BPIFB1: variants seen among roughly 807,000 people sequenced by gnomAD.
BPIFB1 encodes the protein BPI fold containing family B member 1, also known as BPI fold-containing family B member 1.
In BPIFB1, 34 loss-of-function variants were observed where a neutral mutation model predicts 55.1. The observed-to-expected ratio is 0.62, with a 90% CI of 0.47 to 0.82. BPIFB1 has a LOEUF of 0.82. Ranked by LOEUF, BPIFB1 falls within the 40% of genes least tolerant of loss-of-function variation. BPIFB1 has a pLI of 0.00. For missense variants in BPIFB1, 532 were observed against 593.1 expected (o/e 0.90, Z 1.07); for synonymous variants, 236 against 245.3 (o/e 0.96, Z 0.35).
chr20:33,302,371 G>T lies in BPIFB1; in HGVS notation c.940G>T (p.Ala314Ser), dbSNP rs1980881352. Residue 314 changes from alanine to serine, a missense_variant, in exon 10 of 16, where the codon GCC becomes TCC. Transcript: ENST00000253354. ...VLLDSVLPES[A>S]HRLKSSIGLI... ...CTCTCACCCTCAGCTTCCTGAGAGT[G>T]CCCATCGGCTGAAGTCAAGCATCGG... The T allele has an allele frequency of 1.9e-6, 3 of 1,613,964 alleles. No homozygotes were observed. The highest frequency in any genetic ancestry group is 1.6e-4 in the Middle Eastern group (1 of 6,062).
At chr20:33,298,794 C>CTTT (rs11421243) in intron 7 of BPIFB1, 5 of 146,486 alleles carry the variant, frequency 3.4e-5, no homozygotes, top group East Asian at 2.0e-4. Flanking sequence ...TTCCTTTTTT[C>CTTT]TTTTTTTTTT....
chr20:33,296,486 G>A (rs956697929), intron 6 of BPIFB1, among the ~76,000 whole-genome samples: 18 of 152,214 alleles, frequency 1.2e-4, no homozygotes, highest in African/African-American at 4.3e-4. Flanking sequence ...TCAAATGTTT[G>A]ACCTTCTCCC....
At chr20:33,284,766 G>A (rs1372885487) in intron 1 of BPIFB1, among the ~76,000 whole-genome samples, 1 of 152,140 alleles carries the variant, frequency 6.6e-6, no homozygotes, top group Non-Finnish European at 1.5e-5. Flanking sequence ...GCTCAGGACT[G>A]GACTACAGAT....
At chr20:33,305,012 T>C in intron 13 of BPIFB1, 121 bp downstream of exon 13, 2 of 1,133,946 alleles carry the variant, frequency 1.8e-6, no homozygotes, top group Admixed American at 3.8e-5. Flanking sequence ...CATGGGGGGC[T>C]GGCCGGTCTC....
chr20:33,306,763 G>A (rs759014128), intron 14 of BPIFB1, 148 bp from the exon 15 acceptor site: 230 of 695,380 alleles, frequency 3.3e-4, no homozygotes, highest in Admixed American at 6.4e-4. Flanking sequence ...GGTCAATGCT[G>A]GGGCCAGAGA....
chr20:33,303,190 CAG>C, intron 11 of BPIFB1, 116 bp downstream of exon 11: 8 of 1,330,648 alleles, frequency 6.0e-6, no homozygotes, highest in Non-Finnish European at 2.1e-6. Flanking sequence ...TTAGCAGGGA[CAG>C]GGGACAGGGA....
chr20:33,295,678 A>G (rs904399892), intron 6 of BPIFB1, among the ~76,000 whole-genome samples: 10 of 150,720 alleles, frequency 6.6e-5, no homozygotes, highest in East Asian at 3.9e-4. Context: ...GAAAGAAAGA[A>G]AGAGAGAAAA....
At chr20:33,306,146 C>T in intron 14 of BPIFB1, 81 bp downstream of exon 14, 2 of 1,461,014 alleles carry the variant, frequency 1.4e-6, no homozygotes, top group South Asian at 1.1e-5. Flanking sequence ...ATGAATGGGG[C>T]CCCTTTCATT....
At chr20:33,299,088 C>G (rs997872197) in intron 7 of BPIFB1, 4 of 454,882 alleles carry the variant, frequency 8.8e-6, no homozygotes, top group African/African-American at 2.0e-5. Flanking sequence ...GCTGCCCTGG[C>G]GGGCACTATA....
chr20:33,300,710 C>T (rs1390383337), intron 8 of BPIFB1, among the ~76,000 whole-genome samples: 4 of 152,202 alleles, frequency 2.6e-5, no homozygotes, highest in Admixed American at 2.6e-4. Flanking sequence ...CCTCAACCTC[C>T]TGAGTAGCTG....
chr20:33,302,728 C>A, intron 10 of BPIFB1, 188 bp from the exon 11 acceptor site: 1 of 689,458 alleles, frequency 1.5e-6, no homozygotes, highest in Non-Finnish European at 2.4e-6. Context: ...ACAGAGGGAA[C>A]AGGAGACCAA....
intron 8 of BPIFB1, among the ~76,000 whole-genome samples, chr20:33,300,886 C>A (rs1980824606): frequency 1.3e-5 from 2 of 152,184 alleles, no homozygotes; most frequent in Non-Finnish European, 1.5e-5. Flanking sequence ...ACACGCCTGG[C>A]CCCTGGACTA....
chr20:33,303,699 G>A (rs1980926042), intron 11 of BPIFB1, among the ~76,000 whole-genome samples: 1 of 152,308 alleles, frequency 6.6e-6, no homozygotes, highest in South Asian at 2.1e-4. Context: ...TCTATGAATA[G>A]TGGCTGCTTT....
intron 7 of BPIFB1, chr20:33,299,238 G>A (rs1356736393): frequency 4.4e-6 from 2 of 450,782 alleles, no homozygotes; most frequent in East Asian, 7.0e-5. Flanking sequence ...GTAGGCGGCC[G>A]GTCCCTGGCC....
chr20:33,307,163 G>T, intron 15 of BPIFB1, 176 bp downstream of exon 15: 1 of 611,536 alleles, frequency 1.6e-6, no homozygotes, highest in Non-Finnish European at 2.9e-6. Context: ...CTGTGCTGAG[G>T]ATGGAACCCT....
rs150828161 is a variant in BPIFB1 at position 33,288,769 on chromosome 20, C to T, written c.144C>T (p.Asn48=). 3.3e-4 allele frequency: 527 copies of T among 1,613,974 alleles called. 4 individuals carry two copies. The Middle Eastern group carries it at 5.3e-3, about 16-fold the overall frequency. The change falls in exon 3 of 16, where the codon AAC becomes AAT. Residue 48 remains asparagine, a synonymous_variant. Coordinates refer to ENST00000253354, the MANE Select transcript of BPIFB1 (RefSeq NM_033197.3). The stretch of plus-strand genomic sequence containing the variant: ...TGACACAGGAGCTGAAGGACCACAA[C>T]GCCACCAGCATCCTGCAGCAGCTGC... The part of the protein sequence containing the change: ...EKLTQELKDH[N]ATSILQQLPL...
rs372141448 is a variant in BPIFB1, at chr20:33,302,459, T to C, written c.981+47T>C. On this transcript the variant is annotated intron_variant, in intron 10 of 15. Transcript: ENST00000253354. ...AGCTTGAGGGGTGTTTGCTGTGGTCTGGACACAGGCCTCTGGGGAGGAGAA... is the reference window on the plus strand; with the variant it reads ...AGCTTGAGGGGTGTTTGCTGTGGTCCGGACACAGGCCTCTGGGGAGGAGAA... 2.6e-5 allele frequency: 42 copies of C among 1,595,978 alleles called. No homozygotes were observed. The African/African-American group carries it at 4.6e-4, about 17-fold the overall frequency.
intron 3 of BPIFB1, 139 bp downstream of exon 3, chr20:33,289,021 G>T (rs543515105): frequency 3.0e-6 from 3 of 1,003,784 alleles, no homozygotes; most frequent in South Asian, 1.8e-5. Flanking sequence ...AAGCCCCTCC[G>T]TCAAGAAGCT....
intron 1 of BPIFB1, among the ~76,000 whole-genome samples, chr20:33,284,587 C>T (rs1980204581): frequency 6.6e-6 from 1 of 152,170 alleles, no homozygotes; most frequent in African/African-American, 2.4e-5. Flanking sequence ...ACAGGAGACA[C>T]ATGTCATCCG....
Sources: gnomAD v4.1 joint callset for allele counts (sites outside exome capture counted in the v4.1 genomes callset) on GRCh38, gnomAD v4.1.1 for gene constraint, MANE v1.5 for transcripts, NCBI Gene and HGNC (gene_info 2026-07-23, HGNC 2026-07-21) for gene names.